The following SGPL1 variants were observed in gnomAD, a reference collection of about 807,000 sequenced individuals.
SGPL1 encodes sphingosine-1-phosphate lyase 1.
In SGPL1, 37 loss-of-function variants were observed where a neutral mutation model predicts 68.9. The ratio of observed to expected loss-of-function variants is 0.54; its 90% CI spans 0.41 to 0.71. The LOEUF (loss-of-function observed/expected upper bound fraction) is 0.71, where lower values mean the gene tolerates loss of function less well. SGPL1 is among the 30% of genes least tolerant of loss of function. The pLI, the probability that SGPL1 is intolerant of heterozygous loss-of-function variation, is 0.00. For missense variants in SGPL1, 551 were observed against 704.6 expected (o/e 0.78, Z 2.47); for synonymous variants, 236 against 248.5 (o/e 0.95, Z 0.47).
rs898761996 is a variant in SGPL1 at position 70,839,918 on chromosome 10, C to CA, written c.28-4544dup. ...TGAGCTTAAAAAAAAATAAAAATTG[C>CA]AAAAAAAAAAAGTCTCATGATGTTT... On this transcript the variant is annotated intron_variant, in intron 2 of 14. Transcript: ENST00000373202. Among the ~76,000 whole-genome samples the CA allele has an allele frequency of 7.0e-3, 971 of 138,984 alleles. 9 individuals carry two copies. The highest frequency in any genetic ancestry group is 0.022 in the African/African-American group (835 of 38,012). The allele number at this position is 138,984 out of a possible 152,430, so 91.2% of individuals were successfully genotyped here.
intron 7 of SGPL1, among the ~76,000 whole-genome samples, chr10:70,863,886 TC>T (rs1388268939): frequency 6.6e-6 from 1 of 152,216 alleles, no homozygotes; most frequent in Non-Finnish European, 1.5e-5. Flanking sequence ...TCTTGGGCAG[TC>T]TCTAATGTAT....
Position 70,877,342 on chromosome 10 carries a change from AC to A in SGPL1, c.*10del. ...TTCTCCAAAACCCCACTGAACTTGG[AC>A]CCTTTCTAGTCTCAAGGGGATTCCA... On this transcript the variant is annotated 3_prime_UTR_variant, in exon 15 of 15. Coordinates refer to ENST00000373202, the MANE Select transcript of SGPL1 (RefSeq NM_003901.4). The A allele has an allele frequency of 6.2e-7, 1 of 1,614,002 alleles. No individual in the cohort carries two copies. Among genetic ancestry groups the A allele is most frequent in the Non-Finnish European group, 8.5e-7 (1 of 1,179,928 alleles).
intron 2 of SGPL1, among the ~76,000 whole-genome samples, chr10:70,828,620 C>G (rs1225060808): frequency 1.3e-5 from 2 of 152,112 alleles, no homozygotes; most frequent in East Asian, 3.8e-4. Context: ...ACAAAGCAAC[C>G]TTAGTTCTTT....
intron 2 of SGPL1, among the ~76,000 whole-genome samples, chr10:70,824,072 A>G (rs1048315178): frequency 7.9e-5 from 12 of 152,332 alleles, no homozygotes; most frequent in Non-Finnish European, 1.3e-4. Context: ...GCCTGGATAT[A>G]TATCCCAAGC....
intron 2 of SGPL1, among the ~76,000 whole-genome samples, chr10:70,832,621 A>G (rs1182372280): frequency 6.6e-6 from 1 of 152,190 alleles, no homozygotes; most frequent in Non-Finnish European, 1.5e-5. Context: ...AGAAATTATC[A>G]TTTCTAGTTT....
chr10:70,861,933 G>A (rs1055549366), intron 7 of SGPL1, among the ~76,000 whole-genome samples: 10 of 152,192 alleles, frequency 6.6e-5, no homozygotes, highest in Admixed American at 5.9e-4. Flanking sequence ...CACCCCCTCC[G>A]TGGGCTCCTG....
chr10:70,867,894 A>C (rs1846223485), intron 7 of SGPL1, among the ~76,000 whole-genome samples: 1 of 152,218 alleles, frequency 6.6e-6, no homozygotes, highest in African/African-American at 2.4e-5. Flanking sequence ...TCAGCAGTTT[A>C]CTTTGTTAAA....
intron 4 of SGPL1, 87 bp downstream of exon 4, chr10:70,851,297 T>G: frequency 1.7e-6 from 2 of 1,171,156 alleles, no homozygotes; most frequent in Non-Finnish European, 2.5e-6. Flanking sequence ...ATTCTCAAAG[T>G]GGAGGGGTGA....
At chr10:70,866,470 A>C (rs1846189589) in intron 7 of SGPL1, 2 of 152,216 alleles carry the variant, frequency 1.3e-5, no homozygotes, top group African/African-American at 2.4e-5. Context: ...CATAACAATG[A>C]TGTTTTGACT....
chr10:70,847,105 C>T (rs1845803228), intron 3 of SGPL1, among the ~76,000 whole-genome samples: 2 of 151,934 alleles, frequency 1.3e-5, no homozygotes, highest in South Asian at 4.2e-4. Flanking sequence ...CCATCTAAAT[C>T]CTTGTGGGCT....
intron 1 of SGPL1, 85 bp from the exon 2 acceptor site, chr10:70,816,726 T>C (rs1845238202): frequency 2.2e-6 from 2 of 909,782 alleles, no homozygotes; most frequent in Admixed American, 1.7e-5. Context: ...GAGAGAACCA[T>C]AACTTGGCTG....
At chr10:70,841,668 T>C (rs1845715859) in intron 2 of SGPL1, among the ~76,000 whole-genome samples, 1 of 152,098 alleles carries the variant, frequency 6.6e-6, no homozygotes, top group Non-Finnish European at 1.5e-5. Context: ...GATTTCAACA[T>C]ATGAATTTTT....
At chr10:70,839,626 T>C (rs1282233891) in intron 2 of SGPL1, among the ~76,000 whole-genome samples, 1 of 152,264 alleles carries the variant, frequency 6.6e-6, no homozygotes, top group South Asian at 2.1e-4. Context: ...TGACCATTCA[T>C]AGTTCATATA....
chr10:70,854,217 C>G (rs1845927720), intron 4 of SGPL1, among the ~76,000 whole-genome samples: 1 of 149,548 alleles, frequency 6.7e-6, no homozygotes, highest in Non-Finnish European at 1.5e-5. Flanking sequence ...GTTGCCCAGG[C>G]TGAATGGAGT....
At chr10:70,824,138 C>G (rs1216522542) in intron 2 of SGPL1, among the ~76,000 whole-genome samples, 1 of 152,164 alleles carries the variant, frequency 6.6e-6, no homozygotes, top group Non-Finnish European at 1.5e-5. Flanking sequence ...CATTACATTT[C>G]TAGCCTGCCT....
At chr10:70,852,696 AC>A (rs960656901) in intron 4 of SGPL1, among the ~76,000 whole-genome samples, 2 of 145,236 alleles carry the variant, frequency 1.4e-5, no homozygotes, top group Admixed American at 7.0e-5. Flanking sequence ...ACAAAAAATT[AC>A]ATGTGTGTAT....
At chr10:70,876,403 T>G (rs1463315322) in intron 13 of SGPL1, 138 bp from the exon 14 acceptor site, 8 of 739,124 alleles carry the variant, frequency 1.1e-5, no homozygotes, top group Non-Finnish European at 1.7e-5. Flanking sequence ...TTCCCAGGAC[T>G]AGGAACAACT....
At chr10:70,877,133 C>T (rs1589479517) in intron 14 of SGPL1, 62 bp from the exon 15 acceptor site, 21 of 1,560,802 alleles carry the variant, frequency 1.3e-5, no homozygotes, top group Non-Finnish European at 1.9e-5. Context: ...CTCATTGCTG[C>T]AGTTTTATTC....
rs1025926999 is a variant in SGPL1 at position 70,879,963 on chromosome 10, T to C, written c.*2628T>C. On this transcript the variant is annotated 3_prime_UTR_variant, in exon 15 of 15. Transcript: ENST00000373202. ...GAATATACTGCTATGTCACTTTTAA[T>C]ATTACGAGTTTTATACTTGGAAAAT... 2 of 152,640 alleles carry C rather than the reference T, an allele frequency of 1.3e-5. No individual in the cohort carries two copies. The highest frequency in any genetic ancestry group is 2.9e-5 in the Non-Finnish European group (2 of 68,040). 9.5% of individuals were successfully genotyped at this position (152,640 alleles called of 1,614,324 possible).
Sources: gnomAD v4.1 joint callset for allele counts (sites outside exome capture counted in the v4.1 genomes callset) on GRCh38, gnomAD v4.1.1 for gene constraint, MANE v1.5 for transcripts, NCBI Gene and HGNC (gene_info 2026-07-23, HGNC 2026-07-21) for gene names.